SCFD2: variants seen among roughly 807,000 people sequenced by gnomAD.
SCFD2 encodes sec1 family domain-containing protein 2.
SCFD2 carries 54 observed loss-of-function variants against 58.9 expected under a neutral mutation model. That is an observed-to-expected ratio of 0.92 (90% CI 0.74 to 1.15). The LOEUF (loss-of-function observed/expected upper bound fraction) is 1.15. SCFD2 is among the 50% of genes most tolerant of loss of function. SCFD2 has a pLI of 0.00. For missense variants in SCFD2, 805 were observed against 836.6 expected, an observed-to-expected ratio of 0.96 and a Z score of 0.47; for synonymous variants, 321 against 335.9, an observed-to-expected ratio of 0.96 and a Z score of 0.49.
At chr4:53,148,109 T>C (rs1726389569) in intron 4 of SCFD2, among the ~76,000 whole-genome samples, 1 of 152,200 alleles carries the variant, frequency 6.6e-6, no homozygotes, top group Non-Finnish European at 1.5e-5. Context: ...ACTATGTGTA[T>C]ACATAAAGCA....
chr4:52,997,336 G>T (rs901442813), intron 5 of SCFD2, among the ~76,000 whole-genome samples: 1 of 152,340 alleles, frequency 6.6e-6, no homozygotes, highest in East Asian at 1.9e-4. Flanking sequence ...AGGGATCAAA[G>T]AGCTCTCAGG....
intron 4 of SCFD2, among the ~76,000 whole-genome samples, chr4:53,249,498 T>C (rs1730265576): frequency 6.6e-6 from 1 of 152,024 alleles, no homozygotes; most frequent in South Asian, 2.1e-4. Flanking sequence ...CCAAGACACA[T>C]AATTGTCAGA....
intron 5 of SCFD2, among the ~76,000 whole-genome samples, chr4:53,088,586 A>T (rs1343725010): frequency 6.6e-6 from 1 of 152,164 alleles, no homozygotes; most frequent in Non-Finnish European, 1.5e-5. Context: ...TGTCTATTCT[A>T]TCCCTGTCCC....
intron 5 of SCFD2, among the ~76,000 whole-genome samples, chr4:52,953,612 G>A (rs1013711427): frequency 2.0e-5 from 3 of 152,206 alleles, no homozygotes. Flanking sequence ...CAGGGATTGT[G>A]AGGAATGAAT....
At chr4:53,275,933 A>G (rs1229266972) in intron 3 of SCFD2, among the ~76,000 whole-genome samples, 2 of 151,988 alleles carry the variant, frequency 1.3e-5, no homozygotes, top group East Asian at 3.8e-4. Context: ...TTATTTATCT[A>G]TTCACTAGTT....
chr4:53,045,250 G>C (rs1723010387), intron 5 of SCFD2, among the ~76,000 whole-genome samples: 1 of 151,982 alleles, frequency 6.6e-6, no homozygotes, highest in Non-Finnish European at 1.5e-5. Context: ...CACTCTACTG[G>C]AATTCATTTA....
intron 5 of SCFD2, among the ~76,000 whole-genome samples, chr4:53,066,879 G>A (rs1294194640): frequency 1.3e-5 from 2 of 151,850 alleles, no homozygotes; most frequent in African/African-American, 4.8e-5. Flanking sequence ...ATTTTTATAC[G>A]TAGCAGTTAT....
At chr4:52,971,723 C>T (rs1577869899) in intron 5 of SCFD2, among the ~76,000 whole-genome samples, 1 of 152,062 alleles carries the variant, frequency 6.6e-6, no homozygotes, top group South Asian at 2.1e-4. Context: ...GTCAGATTCA[C>T]CAAAGTTGAA....
chr4:53,189,712 CACAA>C (rs2148956542), intron 4 of SCFD2, among the ~76,000 whole-genome samples: 1 of 152,278 alleles, frequency 6.6e-6, no homozygotes, highest in South Asian at 2.1e-4. Context: ...TTGGAAGAGA[CACAA>C]ACATTCAGTG....
intron 5 of SCFD2, among the ~76,000 whole-genome samples, chr4:53,044,380 G>A (rs984433301): frequency 2.6e-5 from 4 of 151,634 alleles, no homozygotes; most frequent in Middle Eastern, 3.4e-3. Context: ...CCTTTATCTC[G>A]TCCTCCCACC....
intron 7 of SCFD2, among the ~76,000 whole-genome samples, chr4:52,899,227 G>T (rs905226203): frequency 3.3e-5 from 5 of 152,174 alleles, no homozygotes; most frequent in African/African-American, 1.2e-4. Context: ...TTTAGTTGAT[G>T]CAGTTTCTTC....
Position 53,103,303 on chromosome 4 carries a change from C to G in SCFD2, c.1561+42030G>C, listed in dbSNP as rs1034035784. Among the ~76,000 whole-genome samples, 7 of 152,024 alleles carry G rather than the reference C, an allele frequency of 4.6e-5. No individual in the cohort carries two copies. In the East Asian group the frequency reaches 7.8e-4, roughly 17 times the overall value. ...TTGTGGGTGAGTAGGGGTTGGGAGT[C>G]TGAACTGAATCTAAACAAATAAATG... On this transcript the variant is annotated intron_variant, in intron 5 of 8. Transcript: ENST00000401642.
chr4:52,875,942 AG>A lies in SCFD2; in HGVS notation c.1963-1882del, dbSNP rs1718463517. 2.0e-5 allele frequency among the ~76,000 whole-genome samples: 3 copies of A among 150,124 alleles called. No individual in the cohort carries two copies. In the East Asian group the frequency reaches 5.9e-4, roughly 30 times the overall value. On this transcript the variant is annotated intron_variant, in intron 8 of 8. Coordinates refer to ENST00000401642, the MANE Select transcript of SCFD2 (RefSeq NM_152540.4). ...GATTTTCCTTGAAAATCATGCAAGGAGCCTTTGAGGACAGTGGGTGAAGATT... is the reference window on the plus strand; with the variant it reads ...GATTTTCCTTGAAAATCATGCAAGGACCTTTGAGGACAGTGGGTGAAGATT...
intron 4 of SCFD2, among the ~76,000 whole-genome samples, chr4:53,212,575 CGTGTGTGTGTGT>C (rs72335886): frequency 2.1e-5 from 3 of 142,260 alleles, no homozygotes; most frequent in Non-Finnish European, 3.0e-5. Context: ...AAAGTGAGCA[CGTGTGTGTGTGT>C]GTGTGTGTGT....
intron 5 of SCFD2, among the ~76,000 whole-genome samples, chr4:53,121,596 T>C (rs1725479678): frequency 6.6e-6 from 1 of 152,164 alleles, no homozygotes; most frequent in South Asian, 2.1e-4. Context: ...TTCTTTCAGG[T>C]CCCTTCCACG....
rs1408185211 is a variant in SCFD2, at chr4:53,215,981, C to G, written c.1311+57845G>C. Among the ~76,000 whole-genome samples the G allele has an allele frequency of 2.6e-5, 4 of 152,160 alleles. No individual in the cohort carries two copies. The East Asian group carries it at 7.7e-4, about 29-fold the overall frequency. ...TGCTTACGTTGAACCAGCCTTGCAT[C>G]CCAGGGATGAAGCCCACTTGATCAT... On this transcript the variant is annotated intron_variant, in intron 4 of 8. Transcript: ENST00000401642.
chr4:53,306,309 C>G (rs1445151607), intron 3 of SCFD2, among the ~76,000 whole-genome samples: 2 of 152,000 alleles, frequency 1.3e-5, no homozygotes, highest in Non-Finnish European at 2.9e-5. Context: ...CTACAACCTT[C>G]TAGGAAACTA....
At chr4:53,256,309 C>T (rs1730628745) in intron 4 of SCFD2, among the ~76,000 whole-genome samples, 1 of 148,730 alleles carries the variant, frequency 6.7e-6, no homozygotes, top group Non-Finnish European at 1.5e-5. Flanking sequence ...AGAGGCGCTC[C>T]CCACATCTCA....
At chr4:53,049,126 C>T (rs1295954342) in intron 5 of SCFD2, among the ~76,000 whole-genome samples, 1 of 152,124 alleles carries the variant, frequency 6.6e-6, no homozygotes, top group East Asian at 1.9e-4. Flanking sequence ...ACACAAGAGA[C>T]TTCACACGGT....
Sources: gnomAD v4.1 joint callset for allele counts (sites outside exome capture counted in the v4.1 genomes callset) on GRCh38, gnomAD v4.1.1 for gene constraint, MANE v1.5 for transcripts, NCBI Gene and HGNC (gene_info 2026-07-23, HGNC 2026-07-21) for gene names.